Variants in TSPO2 observed in about 807,000 individuals in gnomAD.
TSPO2 encodes the protein benzodiazapine receptor (peripheral)-like 1.
A neutral mutation model predicts 13.3 loss-of-function variants in TSPO2; 15 were observed. That is an observed-to-expected ratio of 1.13 (90% CI 0.75 to 1.73). TSPO2 has a LOEUF of 1.73. Among genes scored for constraint, TSPO2 ranks in the 40% most tolerant of loss-of-function variants. The pLI, the probability that TSPO2 is intolerant of heterozygous loss-of-function variation, is 0.00. For missense variants in TSPO2, 202 were observed against 198.3 expected (o/e 1.02, Z -0.11); for synonymous variants, 81 against 91.6 (o/e 0.88, Z 0.66).
At chr6:41,042,943 T>C (rs1762609436) in intron 1 of TSPO2, 23 bp from the exon 2 acceptor site, 1 of 1,610,102 alleles carries the variant, frequency 6.2e-7, no homozygotes, top group Non-Finnish European at 8.5e-7. Context: ...GGCTCATCAC[T>C]AGCATGTTCT....
chr6:41,044,247 G>C lies in TSPO2; in HGVS notation c.*110G>C, dbSNP rs1762643266. The C allele has an allele frequency of 1.8e-6, 2 of 1,119,574 alleles. No individual in the cohort carries two copies. The highest frequency in any genetic ancestry group is 2.8e-5 in the South Asian group (2 of 70,614). 69.4% of individuals were successfully genotyped at this position (1,119,574 alleles called of 1,614,324 possible). On this transcript the variant is annotated 3_prime_UTR_variant, in exon 4 of 4. Transcript: ENST00000373161. ...ATGGGACCACCCTCCTGGGTCCCCT[G>C]GTGCCGTTTTTCCTTAGAAATCAGA...
intron 1 of TSPO2, 48 bp from the exon 2 acceptor site, chr6:41,042,918 G>C: frequency 6.3e-7 from 1 of 1,580,214 alleles, no homozygotes. Flanking sequence ...AGACAGACGA[G>C]GAGCCGCAGG....
chr6:41,041,951 GACA>G (rs1218507454), upstream of TSPO2, among the ~76,000 whole-genome samples: 2 of 151,154 alleles, frequency 1.3e-5, no homozygotes, highest in South Asian at 2.1e-4. Flanking sequence ...CTCCAGCCTG[GACA>G]ACAAGAGTGA....
chr6:41,042,501 C>T lies in TSPO2; in HGVS notation c.-298C>T. On this transcript the variant is annotated 5_prime_UTR_variant, in exon 1 of 4. Coordinates refer to ENST00000373161, the MANE Select transcript of TSPO2 (RefSeq NM_001010873.3). ...GCCGCATTCGTGACTAGAAAAGAGT[C>T]CCCAGGAATTTCTGGCTCCTGCCTT... is the stretch of plus-strand genomic sequence containing the variant. The T allele has an allele frequency of 1.4e-5, 5 of 346,848 alleles. No individual in the cohort carries two copies. The highest frequency in any genetic ancestry group is 1.1e-4 in the South Asian group (5 of 44,318). The allele number at this position is 346,848 out of a possible 1,614,324, so 21.5% of individuals were successfully genotyped here.
upstream of TSPO2, among the ~76,000 whole-genome samples, chr6:41,041,405 G>A (rs535373091): frequency 1.9e-3 from 279 of 149,382 alleles, 2 homozygotes; most frequent in African/African-American, 5.9e-3. Context: ...CAGGCCCCCC[G>A]CCTGGGAGGT....
In TSPO2 at chr6:41,043,546, T is replaced by G. The variant is rs1019411255; in HGVS notation, c.174-11T>G. 2.6e-6 allele frequency: 4 copies of G among 1,560,072 alleles called. No individual in the cohort carries two copies. In the African/African-American group the frequency reaches 5.5e-5, roughly 21 times the overall value. ...CTCCCACTGAATGTTTTTGCCACCA[T>G]GTCTCCACAGCTATGCCTCCTACCT... On this transcript the variant is annotated splice_polypyrimidine_tract_variant and intron_variant, in intron 2 of 3. Transcript: ENST00000373161.
rs753568022 is a variant in TSPO2 at position 41,043,976 on chromosome 6, G to T, written c.352G>T (p.Val118Leu). 1 of 1,614,082 alleles carries T rather than the reference G, an allele frequency of 6.2e-7. No homozygotes were observed. The highest frequency in any genetic ancestry group is 8.5e-7 in the Non-Finnish European group (1 of 1,179,988). The change falls in exon 4 of 4, where the codon GTG becomes TTG. Residue 118 changes from valine to leucine, a missense_variant. By Grantham distance (32) the Val-to-Leu change is conservative (BLOSUM62 1). Transcript: ENST00000373161. Reference protein sequence around the residue: ...LHLLLLYGLVVSTALIWHPIN... With the variant: ...LHLLLLYGLVLSTALIWHPIN... ...CCTGCTGCTGCTGTATGGGCTGGTGGTGAGCACAGCACTGATCTGGCATCC... is the reference window on the plus strand; with the variant it reads ...CCTGCTGCTGCTGTATGGGCTGGTGTTGAGCACAGCACTGATCTGGCATCC...
At chr6:41,041,648 C>T (rs1176429276), upstream of TSPO2, among the ~76,000 whole-genome samples, 1 of 150,540 alleles carries the variant, frequency 6.6e-6, no homozygotes, top group Non-Finnish European at 1.5e-5. Flanking sequence ...GTCCCAGAAC[C>T]TCCAGGACCA....
chr6:41,041,604 G>T (rs1762589475), upstream of TSPO2, among the ~76,000 whole-genome samples: 1 of 152,214 alleles, frequency 6.6e-6, no homozygotes, highest in Non-Finnish European at 1.5e-5. Context: ...AAGACAAGTA[G>T]AAATATGCAC....
At position 41,044,157 on chromosome 6, in the gene TSPO2, G is replaced by A. The variant is rs1361523676; in HGVS notation, c.*20G>A. The A allele has an allele frequency of 1.2e-6, 2 of 1,613,616 alleles. No homozygotes were observed. The highest frequency in any genetic ancestry group is 1.1e-5 in the South Asian group (1 of 90,948). ...GACTGAGGCCCTAGGGCATGGGAGA[G>A]GAGGGACGCCCAGGGTGGGGAGGAA... On this transcript the variant is annotated 3_prime_UTR_variant, in exon 4 of 4. Coordinates refer to ENST00000373161, the MANE Select transcript of TSPO2 (RefSeq NM_001010873.3).
chr6:41,044,158 G>A lies in TSPO2; in HGVS notation c.*21G>A. The A allele has an allele frequency of 1.2e-6, 2 of 1,613,610 alleles. No individual in the cohort carries two copies. Among genetic ancestry groups the A allele is most frequent in the East Asian group, 4.5e-5 (2 of 44,882 alleles). On this transcript the variant is annotated 3_prime_UTR_variant, in exon 4 of 4. Coordinates refer to ENST00000373161, the MANE Select transcript of TSPO2 (RefSeq NM_001010873.3). ...ACTGAGGCCCTAGGGCATGGGAGAG[G>A]AGGGACGCCCAGGGTGGGGAGGAAG...
At chr6:41,041,390 G>A (rs1762586804), upstream of TSPO2, among the ~76,000 whole-genome samples, 1 of 151,762 alleles carries the variant, frequency 6.6e-6, no homozygotes, top group Non-Finnish European at 1.5e-5. Flanking sequence ...CACATCATAT[G>A]TCATCAGGCC....
At chr6:41,042,119 G>C (rs1458562980), upstream of TSPO2, among the ~76,000 whole-genome samples, 1 of 152,202 alleles carries the variant, frequency 6.6e-6, no homozygotes, top group Non-Finnish European at 1.5e-5. Context: ...TATTTGTGGG[G>C]CCTTGGTGGG....
At chr6:41,043,252 G>T in intron 2 of TSPO2, 94 bp downstream of exon 2, 3 of 1,442,272 alleles carry the variant, frequency 2.1e-6, no homozygotes, top group Non-Finnish European at 2.8e-6. Flanking sequence ...GGCCTCCAAA[G>T]GTAGGCGCTT....
rs756026828 is a variant in TSPO2, at chr6:41,042,990, G to T, written c.5G>T (p.Arg2Leu). ...GATTTTGCCTCTTCAAGGTGAATGC[G>T]GCTTCAAGGGGCTATCTTTGTGCTC... is the stretch of plus-strand genomic sequence containing the variant. M[R>L]LQGAIFVLLP... Residue 2 changes from arginine (R) to leucine (L), a missense_variant, in exon 2 of 4, where the codon CGG becomes CTG. Transcript: ENST00000373161. 1 of 1,613,610 alleles carries T rather than the reference G, an allele frequency of 6.2e-7. No homozygotes were observed. The highest frequency in any genetic ancestry group is 1.1e-5 in the South Asian group (1 of 91,032).
chr6:41,041,774 G>A (rs1052437525), upstream of TSPO2, among the ~76,000 whole-genome samples: 7 of 152,138 alleles, frequency 4.6e-5, no homozygotes, highest in Non-Finnish European at 7.3e-5. Context: ...TCAGGAGTTC[G>A]AGACCAGCCT....
chr6:41,043,548 T>A lies in TSPO2; in HGVS notation c.174-9T>A. 6.4e-7 allele frequency: 1 copy of A among 1,559,622 alleles called. No homozygotes were observed. The highest frequency in any genetic ancestry group is 8.7e-7 in the Non-Finnish European group (1 of 1,154,118). On this transcript the variant is annotated splice_polypyrimidine_tract_variant and intron_variant, in intron 2 of 3. Coordinates refer to ENST00000373161, the MANE Select transcript of TSPO2 (RefSeq NM_001010873.3). ...CCCACTGAATGTTTTTGCCACCATG[T>A]CTCCACAGCTATGCCTCCTACCTGG...
upstream of TSPO2, among the ~76,000 whole-genome samples, chr6:41,042,134 T>TG (rs1426205323): frequency 6.6e-6 from 1 of 152,186 alleles, no homozygotes; most frequent in Non-Finnish European, 1.5e-5. Flanking sequence ...GGTGGGGCCT[T>TG]GGCTGGAGGA....
rs2114016702 is a variant in TSPO2, at chr6:41,042,997, AG to A, written c.16del (p.Ala6LeufsTer113). ...CCTCTTCAAGGTGAATGCGGCTTCA[AG>A]GGGCTATCTTTGTGCTCCTGCCCCA... MRLQGAIFVLLPHLG... is the reference protein window; with the variant it reads MRLQXAIFVLLPHLG... On this transcript the variant is annotated frameshift_variant, in exon 2 of 4. Transcript: ENST00000373161. LOFTEE classifies it high-confidence loss of function. The A allele has an allele frequency of 3.7e-6, 6 of 1,613,876 alleles. No individual in the cohort carries two copies. The Middle Eastern group carries it at 8.2e-4, about 222-fold the overall frequency.
Sources: allele counts gnomAD v4.1 joint callset (sites outside exome capture counted in the v4.1 genomes callset), GRCh38; gene constraint gnomAD v4.1.1; transcripts MANE v1.5; gene names NCBI Gene and HGNC (gene_info 2026-07-23, HGNC 2026-07-21).